The following GRIN2B variants were observed in gnomAD, a reference collection of about 807,000 sequenced individuals.
GRIN2B encodes glutamate receptor ionotropic, NMDA 2B.
GRIN2B carries 5 observed loss-of-function variants against 114.5 expected under a neutral mutation model. The observed-to-expected ratio is 0.04, with a 90% CI of 0.02 to 0.09. The LOEUF (loss-of-function observed/expected upper bound fraction) is 0.09, where lower values mean the gene tolerates loss of function less well. Among genes scored for constraint, GRIN2B ranks in the 10% least tolerant of loss-of-function variants. GRIN2B has a pLI of 1.00. For missense variants in GRIN2B, 1,108 were observed against 1,943.5 expected (o/e 0.57, Z 8.08); for synonymous variants, 787 against 745.1 (o/e 1.06, Z -0.92).
In GRIN2B at chr12:13,560,773, TA is replaced by T. The variant is rs1948532677; in HGVS notation, c.*2009del. 1.3e-5 allele frequency: 2 copies of T among 152,362 alleles called. No individual in the cohort carries two copies. Among genetic ancestry groups the T allele is most frequent in the African/African-American group, 4.8e-5 (2 of 41,572 alleles). 9.4% of individuals were successfully genotyped at this position (152,362 alleles called of 1,614,324 possible). A position where few individuals can be genotyped will look rare whatever the true frequency, so the allele number is the denominator to read the frequency against. On this transcript the variant is annotated 3_prime_UTR_variant, in exon 14 of 14. Transcript: ENST00000609686. ...GCTTTACAAGGCCTTCAGTTGGCTT[TA>T]AAATGAAAGATACTGAGGTAAAAAT...
intron 5 of GRIN2B, among the ~76,000 whole-genome samples, chr12:13,617,623 T>G (rs1469814717): frequency 6.6e-6 from 1 of 152,248 alleles, no homozygotes; most frequent in Non-Finnish European, 1.5e-5. Context: ...TTGCTTATTT[T>G]CTATAACTGA....
chr12:13,684,758 C>T (rs1312218829), intron 4 of GRIN2B, among the ~76,000 whole-genome samples: 1 of 152,122 alleles, frequency 6.6e-6, no homozygotes, highest in East Asian at 1.9e-4. Flanking sequence ...GAATGCAGCC[C>T]AGAGTAGGTA....
chr12:13,820,737 T>A (rs1864918547), intron 3 of GRIN2B, among the ~76,000 whole-genome samples: 1 of 152,202 alleles, frequency 6.6e-6, no homozygotes, highest in African/African-American at 2.4e-5. Context: ...ATCCATTTTC[T>A]CTTTTAACTA....
At chr12:13,972,281 G>A (rs1334997535) in intron 2 of GRIN2B, among the ~76,000 whole-genome samples, 3 of 152,086 alleles carry the variant, frequency 2.0e-5, no homozygotes, top group Admixed American at 6.5e-5. Flanking sequence ...TTTTGTTATT[G>A]AAGTGGAGTT....
chr12:13,568,088 G>A (rs1249242368), intron 12 of GRIN2B, among the ~76,000 whole-genome samples: 1 of 151,976 alleles, frequency 6.6e-6, no homozygotes, highest in African/African-American at 2.4e-5. Flanking sequence ...GAGTAAGCTT[G>A]GATAAAATAA....
chr12:13,645,623 G>A (rs576174890), intron 5 of GRIN2B, among the ~76,000 whole-genome samples: 1 of 151,994 alleles, frequency 6.6e-6, no homozygotes, highest in South Asian at 2.1e-4. Context: ...AGGTGTGCCT[G>A]TGCTAATTTC....
chr12:13,570,024 AG>A lies in GRIN2B; in HGVS notation c.2172-8del. On this transcript the variant is annotated splice_polypyrimidine_tract_variant and splice_region_variant and intron_variant, in intron 11 of 13. Transcript: ENST00000609686. ...GATGAAGGCATCCAGTTTCCTGTACAGGAAAAAAGCAAACAAATCCAATGGA... is the reference window on the plus strand; with the variant it reads ...GATGAAGGCATCCAGTTTCCTGTACAGAAAAAAGCAAACAAATCCAATGGA... 2.5e-6 allele frequency: 4 copies of A among 1,605,826 alleles called. No individual in the cohort carries two copies. Among genetic ancestry groups the A allele is most frequent in the Non-Finnish European group, 3.4e-6 (4 of 1,172,538 alleles).
At chr12:13,971,286 T>G (rs1253232430) in intron 2 of GRIN2B, among the ~76,000 whole-genome samples, 1 of 152,204 alleles carries the variant, frequency 6.6e-6, no homozygotes, top group Non-Finnish European at 1.5e-5. Context: ...GTTTTTATTC[T>G]TTTATAGTTT....
chr12:13,767,440 G>A (rs114888439), intron 3 of GRIN2B, among the ~76,000 whole-genome samples: 2,218 of 152,124 alleles, frequency 0.015, 42 homozygotes, highest in African/African-American at 0.051. Context: ...TCTTACTGAT[G>A]AATCAAGAGT....
At chr12:13,842,631 A>G (rs1203842752) in intron 3 of GRIN2B, among the ~76,000 whole-genome samples, 1 of 152,204 alleles carries the variant, frequency 6.6e-6, no homozygotes, top group African/African-American at 2.4e-5. Context: ...CTAATCCTAG[A>G]CCACTTTCCA....
At chr12:13,651,496 G>A (rs1388484139) in intron 5 of GRIN2B, among the ~76,000 whole-genome samples, 1 of 152,080 alleles carries the variant, frequency 6.6e-6, no homozygotes. Flanking sequence ...TTTATATTCA[G>A]CATAAAATGG....
chr12:13,797,179 T>G (rs1176268305), intron 3 of GRIN2B, among the ~76,000 whole-genome samples: 2 of 152,190 alleles, frequency 1.3e-5, no homozygotes, highest in Non-Finnish European at 1.5e-5. Context: ...CAATGTCTTA[T>G]GAGAGCCCAT....
At chr12:13,648,241 C>G (rs957035777) in intron 5 of GRIN2B, among the ~76,000 whole-genome samples, 7 of 152,024 alleles carry the variant, frequency 4.6e-5, no homozygotes, top group Non-Finnish European at 1.0e-4. Flanking sequence ...GCTCAACGGA[C>G]AGTTGAGAAC....
intron 10 of GRIN2B, among the ~76,000 whole-genome samples, chr12:13,581,359 A>G (rs1948846399): frequency 6.6e-6 from 1 of 152,168 alleles, no homozygotes; most frequent in African/African-American, 2.4e-5. Flanking sequence ...ATAATACCCT[A>G]TGGCCCAATT....
intron 4 of GRIN2B, among the ~76,000 whole-genome samples, chr12:13,711,350 A>T (rs1167242695): frequency 6.6e-6 from 1 of 152,180 alleles, no homozygotes; most frequent in Non-Finnish European, 1.5e-5. Context: ...ACCAAAAGCA[A>T]TGGCAACAAA....
intron 5 of GRIN2B, among the ~76,000 whole-genome samples, chr12:13,665,679 T>C (rs977396080): frequency 6.6e-6 from 1 of 152,188 alleles, no homozygotes; most frequent in African/African-American, 2.4e-5. Context: ...AACATTTTAA[T>C]AGGAATCAAA....
At chr12:13,787,529 G>A (rs1813320723) in intron 3 of GRIN2B, among the ~76,000 whole-genome samples, 1 of 152,176 alleles carries the variant, frequency 6.6e-6, no homozygotes, top group South Asian at 2.1e-4. Flanking sequence ...CCGTACCAGA[G>A]AACTGAAACA....
intron 10 of GRIN2B, among the ~76,000 whole-genome samples, chr12:13,592,582 G>A (rs929613325): frequency 2.6e-5 from 4 of 152,182 alleles, no homozygotes; most frequent in African/African-American, 9.7e-5. Flanking sequence ...ATGACATGGG[G>A]GTGACAAAGG....
chr12:13,616,397 C>T, intron 6 of GRIN2B, 58 bp downstream of exon 6: 1 of 1,242,510 alleles, frequency 8.0e-7, no homozygotes, highest in Non-Finnish European at 1.2e-6. Flanking sequence ...CAAGTGCTAA[C>T]AGGTGCATCA....
Sources: gnomAD v4.1 joint callset for allele counts (sites outside exome capture counted in the v4.1 genomes callset) on GRCh38, gnomAD v4.1.1 for gene constraint, MANE v1.5 for transcripts, NCBI Gene and HGNC (gene_info 2026-07-23, HGNC 2026-07-21) for gene names.